WWP2: variants seen among roughly 807,000 people sequenced by gnomAD.
WWP2 encodes WW domain containing E3 ubiquitin protein ligase 2, also known as NEDD4-like E3 ubiquitin-protein ligase WWP2.
A neutral mutation model predicts 121.0 loss-of-function variants in WWP2; 57 were observed. That is an observed-to-expected ratio of 0.47 (90% CI 0.38 to 0.59). The LOEUF (loss-of-function observed/expected upper bound fraction) is 0.59, where lower values mean the gene tolerates loss of function less well. WWP2 is among the 20% of genes least tolerant of loss of function. The pLI, the probability that WWP2 is intolerant of heterozygous loss-of-function variation, is 0.00. For synonymous variants in WWP2, 449 were observed against 441.3 expected, an observed-to-expected ratio of 1.02 and a Z score of -0.22; for missense variants, 962 against 1,158.9, an observed-to-expected ratio of 0.83 and a Z score of 2.47.
chr16:69,806,912 TCTA>T (rs1322066613), intron 4 of WWP2, among the ~76,000 whole-genome samples: 3 of 152,018 alleles, frequency 2.0e-5, no homozygotes, highest in African/African-American at 4.8e-5. Flanking sequence ...TATTAACTTT[TCTA>T]CTATTTGCCC....
chr16:69,863,642 AAAAC>A (rs1312705950), intron 6 of WWP2, among the ~76,000 whole-genome samples: 7 of 152,296 alleles, frequency 4.6e-5, no homozygotes, highest in East Asian at 3.9e-4. Context: ...CTCCGTCTCA[AAAAC>A]AAACAAAGAA....
chr16:69,779,409 G>A (rs1567659480), intron 1 of WWP2, among the ~76,000 whole-genome samples: 1 of 152,220 alleles, frequency 6.6e-6, no homozygotes, highest in South Asian at 2.1e-4. Flanking sequence ...GCAGTGGACT[G>A]CAATTTTAAA....
At chr16:69,933,730 G>A (rs554337783) in intron 16 of WWP2, among the ~76,000 whole-genome samples, 3 of 152,156 alleles carry the variant, frequency 2.0e-5, no homozygotes, top group Non-Finnish European at 2.9e-5. Context: ...ACAATCACAC[G>A]TTTTCCCAAA....
chr16:69,931,367 C>A, intron 14 of WWP2, 140 bp downstream of exon 14: 1 of 1,459,626 alleles, frequency 6.9e-7, no homozygotes, highest in Non-Finnish European at 9.4e-7. Context: ...AGCTGGCTGT[C>A]TCTAGGAAGC....
chr16:69,905,295 G>A (rs1220717115), intron 8 of WWP2, among the ~76,000 whole-genome samples: 1 of 152,178 alleles, frequency 6.6e-6, no homozygotes, highest in Admixed American at 6.5e-5. Context: ...TCCGCTTTGG[G>A]GGGTGTGTAG....
At chr16:69,765,289 T>A (rs991315922) in intron 1 of WWP2, among the ~76,000 whole-genome samples, 16 of 152,220 alleles carry the variant, frequency 1.1e-4, no homozygotes, top group Non-Finnish European at 2.2e-4. Flanking sequence ...AGCACTTTTT[T>A]CTTTTTAAAA....
rs557176090 is a variant in WWP2 at position 69,832,051 on chromosome 16, A to C, written c.341-8075A>C. Among the ~76,000 whole-genome samples the C allele has an allele frequency of 6.6e-5, 10 of 151,844 alleles. No homozygotes were observed. The South Asian group carries it at 8.3e-4, about 13-fold the overall frequency. The stretch of plus-strand genomic sequence containing the variant: ...ACCATGTTGCCCAGGCGGGTCTCGA[A>C]CTCCTGAGCTCAAGCGAACCATCTG... On this transcript the variant is annotated intron_variant, in intron 4 of 23. Coordinates refer to ENST00000359154, the MANE Select transcript of WWP2 (RefSeq NM_001270454.2).
intron 8 of WWP2, among the ~76,000 whole-genome samples, chr16:69,894,089 T>TA (rs917372894): frequency 2.0e-5 from 3 of 151,796 alleles, no homozygotes; most frequent in African/African-American, 7.3e-5. Flanking sequence ...TTTTTTTTTT[T>TA]AACTGAGATG....
intron 4 of WWP2, 145 bp from the exon 5 acceptor site, chr16:69,839,981 C>T: frequency 1.7e-6 from 2 of 1,154,578 alleles, no homozygotes; most frequent in African/African-American, 1.6e-5. Flanking sequence ...ACTCTTTTTT[C>T]CATGCCACGA....
At chr16:69,851,460 C>T (rs2057212774) in intron 6 of WWP2, among the ~76,000 whole-genome samples, 1 of 152,160 alleles carries the variant, frequency 6.6e-6, no homozygotes, top group Admixed American at 6.6e-5. Flanking sequence ...AGATTGGCTT[C>T]TTTCACTTAG....
chr16:69,843,110 A>G (rs2057009547), intron 6 of WWP2, among the ~76,000 whole-genome samples: 1 of 152,034 alleles, frequency 6.6e-6, no homozygotes, highest in Non-Finnish European at 1.5e-5. Context: ...GCTTTTTTGT[A>G]TGTCCGGGGC....
intron 6 of WWP2, among the ~76,000 whole-genome samples, chr16:69,849,651 A>G (rs973664917): frequency 2.6e-5 from 4 of 152,080 alleles, no homozygotes; most frequent in Non-Finnish European, 5.9e-5. Context: ...AGACGTTGAA[A>G]AGTAATCATG....
intron 4 of WWP2, among the ~76,000 whole-genome samples, chr16:69,838,190 C>T (rs1243036109): frequency 1.3e-5 from 2 of 152,100 alleles, no homozygotes; most frequent in African/African-American, 4.8e-5. Flanking sequence ...ATTAGGAACT[C>T]GGTAGGTGCC....
chr16:69,906,687 C>T (rs1035049794), intron 8 of WWP2, among the ~76,000 whole-genome samples: 4 of 152,032 alleles, frequency 2.6e-5, no homozygotes, highest in Non-Finnish European at 4.4e-5. Context: ...GAGTTCGAGA[C>T]CAGCCTGGGC....
At chr16:69,934,212 A>G (rs2058762223) in intron 17 of WWP2, 83 bp downstream of exon 17, 4 of 1,530,346 alleles carry the variant, frequency 2.6e-6, no homozygotes, top group Middle Eastern at 1.8e-4. Flanking sequence ...CAGGGGCACC[A>G]GGGGAATCTG....
intron 5 of WWP2, among the ~76,000 whole-genome samples, 169 bp from the exon 6 acceptor site, chr16:69,841,855 T>C (rs2056984395): frequency 1.3e-5 from 2 of 152,178 alleles, no homozygotes; most frequent in African/African-American, 2.4e-5. Context: ...ATCCATATGA[T>C]CGTCCCTGTT....
chr16:69,797,377 C>T (rs531012129), intron 2 of WWP2, among the ~76,000 whole-genome samples: 7 of 152,154 alleles, frequency 4.6e-5, no homozygotes, highest in Middle Eastern at 3.4e-3. Flanking sequence ...TCAGACCGGC[C>T]GGGTGCACAG....
rs764247840 is a variant in WWP2 at position 69,915,107 on chromosome 16, A to G, written c.1005-2602A>G. On this transcript the variant is annotated intron_variant, in intron 9 of 23. Transcript: ENST00000359154. ...GAGGGAGAGATGTGGCCGAGAGAGG[A>G]AGGCCACTGCCAGGCCACCTGTCCC... is the stretch of plus-strand genomic sequence containing the variant. 1.3e-4 allele frequency among the ~76,000 whole-genome samples: 20 copies of G among 152,350 alleles called. No homozygotes were observed. In the Middle Eastern group the frequency reaches 0.01, roughly 78 times the overall value.
At chr16:69,837,836 G>A (rs8062809) in intron 4 of WWP2, among the ~76,000 whole-genome samples, 14,496 of 152,136 alleles carry the variant, frequency 0.095, 874 homozygotes, top group African/African-American at 0.17. Flanking sequence ...GTTTGTCTGC[G>A]TGATGGGTCT....
Sources: allele counts gnomAD v4.1 joint callset (sites outside exome capture counted in the v4.1 genomes callset), GRCh38; gene constraint gnomAD v4.1.1; transcripts MANE v1.5; gene names NCBI Gene and HGNC (gene_info 2026-07-23, HGNC 2026-07-21).